UGT8: variants seen among roughly 807,000 people sequenced by gnomAD.
UGT8 encodes UDP glycosyltransferase 8.
In UGT8, 12 loss-of-function variants were observed where a neutral mutation model predicts 40.5. The observed-to-expected ratio is 0.30, with a 90% confidence interval of 0.19 to 0.48. The LOEUF (loss-of-function observed/expected upper bound fraction) is 0.48. Ranked by LOEUF, UGT8 falls within the 20% of genes least tolerant of loss-of-function variation. The pLI is 0.99. For missense variants in UGT8, 513 were observed against 648.7 expected, an observed-to-expected ratio of 0.79 and a Z score of 2.27; for synonymous variants, 224 against 240.4, an observed-to-expected ratio of 0.93 and a Z score of 0.63.
intron 5 of UGT8, among the ~76,000 whole-genome samples, chr4:114,668,763 C>T (rs918931005): frequency 6.6e-6 from 1 of 152,194 alleles, no homozygotes; most frequent in Non-Finnish European, 1.5e-5. Context: ...GTTCTTTGTA[C>T]TGCATGGTAA....
At chr4:114,673,250 G>A (rs898772033) in intron 5 of UGT8, among the ~76,000 whole-genome samples, 2 of 152,198 alleles carry the variant, frequency 1.3e-5, no homozygotes, top group African/African-American at 4.8e-5. Flanking sequence ...ATGCTCATGG[G>A]ACAATGCCAC....
At chr4:114,645,634 A>C (rs1407943322) in intron 2 of UGT8, among the ~76,000 whole-genome samples, 1 of 152,204 alleles carries the variant, frequency 6.6e-6, no homozygotes, top group Non-Finnish European at 1.5e-5. Flanking sequence ...AAGAAGGAAA[A>C]TTCTCTTATG....
rs1730259944 is a variant in UGT8 at position 114,598,931 on chromosome 4, G to C, written c.-46G>C. On this transcript the variant is annotated 5_prime_UTR_variant, in exon 1 of 6. Transcript: ENST00000310836. ...CCTTCTGTCCCGGATACAATTACGCGGCAGACACACACTCAAACTCGCGCG... is the reference window on the plus strand; with the variant it reads ...CCTTCTGTCCCGGATACAATTACGCCGCAGACACACACTCAAACTCGCGCG... 1 of 152,072 alleles carries C rather than the reference G, an allele frequency of 6.6e-6. No individual in the cohort carries two copies. The highest frequency in any genetic ancestry group is 1.5e-5 in the Non-Finnish European group (1 of 68,076). The allele number at this position is 152,072 out of a possible 1,614,324, so 9.4% of individuals were successfully genotyped here. A position where few individuals can be genotyped will look rare whatever the true frequency, so the allele number is the denominator to read the frequency against.
chr4:114,632,971 GCTAA>G (rs1259201980), intron 2 of UGT8, among the ~76,000 whole-genome samples: 1 of 152,182 alleles, frequency 6.6e-6, no homozygotes, highest in African/African-American at 2.4e-5. Context: ...AAACCTTGGG[GCTAA>G]CTAAATTCCT....
chr4:114,669,093 CA>C (rs567375463), intron 5 of UGT8, among the ~76,000 whole-genome samples: 28 of 152,090 alleles, frequency 1.8e-4, no homozygotes, highest in African/African-American at 6.8e-4. Flanking sequence ...ACTTGAGAAA[CA>C]CTGCCACATT....
At chr4:114,618,405 C>T (rs941423740) in intron 1 of UGT8, among the ~76,000 whole-genome samples, 3 of 152,242 alleles carry the variant, frequency 2.0e-5, no homozygotes, top group East Asian at 1.9e-4. Context: ...ACATCCTTGC[C>T]GGTTTTATAA....
intron 2 of UGT8, among the ~76,000 whole-genome samples, chr4:114,661,401 A>G (rs1032564085): frequency 3.9e-5 from 6 of 152,160 alleles, no homozygotes; most frequent in African/African-American, 1.2e-4. Context: ...ATGTTTATAT[A>G]TGGCTAAGAT....
intron 1 of UGT8, among the ~76,000 whole-genome samples, chr4:114,621,886 CAA>C (rs1279607678): frequency 3.3e-5 from 5 of 152,098 alleles, no homozygotes; most frequent in African/African-American, 1.2e-4. Context: ...GTAATTAGAA[CAA>C]ATATCAGGAT....
intron 2 of UGT8, among the ~76,000 whole-genome samples, chr4:114,631,024 C>T (rs540489295): frequency 1.3e-5 from 2 of 152,264 alleles, no homozygotes; most frequent in South Asian, 4.1e-4. Flanking sequence ...CACACTCAGA[C>T]CCTGAAGAAC....
chr4:114,609,918 A>G (rs1449026203), intron 1 of UGT8, among the ~76,000 whole-genome samples: 1 of 152,194 alleles, frequency 6.6e-6, no homozygotes, highest in Non-Finnish European at 1.5e-5. Context: ...TCAGTCATTC[A>G]TTTAATAAGT....
At position 114,676,377 on chromosome 4, in the gene UGT8, A is replaced by C; in HGVS notation, c.*89A>C. 8.9e-7 allele frequency: 1 copy of C among 1,124,516 alleles called. No individual in the cohort carries two copies. The highest frequency in any genetic ancestry group is 1.3e-6 in the Non-Finnish European group (1 of 792,620). 69.7% of individuals were successfully genotyped at this position (1,124,516 alleles called of 1,614,324 possible). On this transcript the variant is annotated 3_prime_UTR_variant, in exon 6 of 6. Transcript: ENST00000310836. ...GTCTAACAGCTACTAAAAGTAAAAC[A>C]TCAGTAAACAATTCTAACATGCCCT... is the stretch of plus-strand genomic sequence containing the variant.
chr4:114,624,751 A>G (rs1162059266), intron 2 of UGT8, among the ~76,000 whole-genome samples: 1 of 152,166 alleles, frequency 6.6e-6, no homozygotes, highest in African/African-American at 2.4e-5. Context: ...CTTTTCTAAT[A>G]TGGCCATTAG....
intron 2 of UGT8, 69 bp downstream of exon 2, chr4:114,623,771 T>G (rs887994185): frequency 1.4e-6 from 2 of 1,479,058 alleles, no homozygotes; most frequent in Admixed American, 4.9e-5. Context: ...TTGGAAGAGA[T>G]ATGATTTGTT....
chr4:114,613,454 A>T (rs554971408), intron 1 of UGT8, among the ~76,000 whole-genome samples: 1 of 152,206 alleles, frequency 6.6e-6, no homozygotes, highest in Non-Finnish European at 1.5e-5. Context: ...TTTACTACTT[A>T]TTAAGTACTA....
intron 2 of UGT8, among the ~76,000 whole-genome samples, chr4:114,653,618 G>T (rs1166711626): frequency 3.9e-5 from 6 of 151,996 alleles, no homozygotes; most frequent in Non-Finnish European, 7.4e-5. Context: ...TTTCTAATTG[G>T]TTTGGAAATG....
Position 114,678,218 on chromosome 4 carries a change from A to G in UGT8, c.*1930A>G, listed in dbSNP as rs377234423. 1.3e-5 allele frequency: 2 copies of G among 152,316 alleles called. No homozygotes were observed. Among genetic ancestry groups the G allele is most frequent in the East Asian group, 1.9e-4 (1 of 5,194 alleles). The allele number at this position is 152,316 out of a possible 1,614,324, so 9.4% of individuals were successfully genotyped here. ...AAAACTTAAATAATAAACATGATTT[A>G]AAATAGAGAAGTGTTGTTGGAATAA... On this transcript the variant is annotated 3_prime_UTR_variant, in exon 6 of 6. Coordinates refer to ENST00000310836, the MANE Select transcript of UGT8 (RefSeq NM_001128174.3).
rs1383691900 is a variant in UGT8 at position 114,676,641 on chromosome 4, ATGTGTGTGTGTGTGTGTGTGTGTTTG to A, written c.*371_*396del. On this transcript the variant is annotated 3_prime_UTR_variant, in exon 6 of 6. Transcript: ENST00000310836. ...TTTTCTTAATAATGTGTGTGTGTGT[ATGTGTGTGTGTGTGTGTGTGTGTTTG>A]TGTGTGTGTGTGTGTGTCCTAATTA... 3 of 178,620 alleles carry A rather than the reference ATGTGTGTGTGTGTGTGTGTGTGTTTG, an allele frequency of 1.7e-5. No individual in the cohort carries two copies. The highest frequency in any genetic ancestry group is 7.8e-5 in the African/African-American group (3 of 38,350). 11.1% of individuals were successfully genotyped at this position (178,620 alleles called of 1,614,324 possible).
chr4:114,630,609 G>A (rs1397126652), intron 2 of UGT8, among the ~76,000 whole-genome samples: 1 of 151,628 alleles, frequency 6.6e-6, no homozygotes, highest in African/African-American at 2.4e-5. Flanking sequence ...TCGGGCTGTT[G>A]ACACTGGTAC....
intron 2 of UGT8, among the ~76,000 whole-genome samples, chr4:114,651,636 C>G (rs1578448226): frequency 6.6e-6 from 1 of 152,100 alleles, no homozygotes; most frequent in Admixed American, 6.6e-5. Flanking sequence ...GAGAATCTGT[C>G]ATTCTCTGAC....
Sources: allele counts gnomAD v4.1 joint callset (sites outside exome capture counted in the v4.1 genomes callset), GRCh38; gene constraint gnomAD v4.1.1; transcripts MANE v1.5; gene names NCBI Gene and HGNC (gene_info 2026-07-23, HGNC 2026-07-21).